The following NOS3 variants were observed in gnomAD, a reference collection of about 807,000 sequenced individuals.
The protein encoded by NOS3 is NOS type III.
A neutral mutation model predicts 144.9 loss-of-function variants in NOS3; 98 were observed. That is an observed-to-expected ratio of 0.68 (90% CI 0.57 to 0.80). The LOEUF is 0.80. Among genes scored for constraint, NOS3 ranks in the 30% least tolerant of loss-of-function variants. The probability of loss-of-function intolerance (pLI) is 0.00; values close to 1 mark genes in which losing one functional copy is unlikely to be tolerated. For synonymous variants in NOS3, 714 were observed against 702.4 expected (o/e 1.02, Z -0.26); for missense variants, 1,465 against 1,656.4 (o/e 0.88, Z 2.01).
In NOS3 at chr7:151,014,101, G is replaced by A. The variant is rs149818096; in HGVS notation, c.3544G>A (p.Glu1182Lys). The change falls in exon 27 of 27, where the codon GAG (glutamate) becomes AAG (lysine). Residue 1182 changes from glutamate (E) to lysine (K), a missense_variant. This residue lies in a region of NOS3 where 228 missense variants were observed against 227.7 expected (regional missense o/e 1.00). Transcript: ENST00000297494. The stretch of plus-strand genomic sequence containing the variant: ...ACGCACCCAGAGCTTTTCCTTGCAG[G>A]AGCGTCAGTTGCGGGGCGCAGTGCC... ...RIRTQSFSLQ[E>K]RQLRGAVPWA... is the part of the protein sequence containing the mutation. 17 of 1,613,726 alleles carry A rather than the reference G, an allele frequency of 1.1e-5. No homozygotes were observed. The African/African-American group carries it at 2.0e-4, about 19-fold the overall frequency.
rs1226013028 is a variant in NOS3 at position 151,010,800 on chromosome 7, G to A, written c.2889G>A (p.Arg963=). The A allele has an allele frequency of 1.2e-6, 2 of 1,611,256 alleles. No individual in the cohort carries two copies. The highest frequency in any genetic ancestry group is 2.2e-5 in the South Asian group (2 of 90,616). The change falls in exon 22 of 27, where the codon AGG becomes AGA. Residue 963 remains arginine (R), a synonymous_variant. Coordinates refer to ENST00000297494, the MANE Select transcript of NOS3 (RefSeq NM_000603.5). The stretch of plus-strand genomic sequence containing the variant: ...TCACTGTAGCTGTGCTGGCATACAG[G>A]ACTCAGGGTGAGGCAACAAGCAGGA... The part of the protein sequence containing the change: ...IHLTVAVLAY[R]TQDGLGPLHY...
intron 9 of NOS3, among the ~76,000 whole-genome samples, chr7:151,000,132 G>A (rs1466708061): frequency 6.7e-6 from 1 of 148,732 alleles, no homozygotes; most frequent in African/African-American, 2.5e-5. Flanking sequence ...GTGGGTGTGA[G>A]TGGGTGGGTG....
At position 150,993,815 on chromosome 7, in the gene NOS3, G is replaced by T; in HGVS notation, c.12G>T (p.Leu4Phe). The T allele has an allele frequency of 6.3e-7, 1 of 1,595,928 alleles. No homozygotes were observed. The highest frequency in any genetic ancestry group is 1.1e-5 in the South Asian group (1 of 89,028). The change falls in exon 2 of 27, where the codon TTG becomes TTT. Residue 4 changes from leucine (L) to phenylalanine (F), a missense_variant. Coordinates refer to ENST00000297494, the MANE Select transcript of NOS3 (RefSeq NM_000603.5). The surrounding 1 kb of genome is among the most constrained non-coding windows in gnomAD (Gnocchi z 4.0). Reference protein sequence around the residue: MGNLKSVAQEPGPP... With the variant: MGNFKSVAQEPGPP... ...GGACGCACAGTAACATGGGCAACTTGAAGAGCGTGGCCCAGGAGCCTGGGC... is the reference window on the plus strand; with the variant it reads ...GGACGCACAGTAACATGGGCAACTTTAAGAGCGTGGCCCAGGAGCCTGGGC...
chr7:151,005,588 C>G (rs925239597), intron 14 of NOS3, among the ~76,000 whole-genome samples: 1 of 152,188 alleles, frequency 6.6e-6, no homozygotes, highest in African/African-American at 2.4e-5. Context: ...CCTGCAGCTG[C>G]GAGGACGATC....
intron 22 of NOS3, 28 bp from the exon 23 acceptor site, chr7:151,010,871 C>A: frequency 6.2e-7 from 1 of 1,609,378 alleles, no homozygotes; most frequent in Non-Finnish European, 8.5e-7. Flanking sequence ...TCTCTGGCCC[C>A]TCACCGGCCT....
intron 1 of NOS3, among the ~76,000 whole-genome samples, chr7:150,992,726 C>T (rs900075024): frequency 2.0e-5 from 3 of 152,200 alleles, no homozygotes; most frequent in Non-Finnish European, 2.9e-5. Flanking sequence ...TAGTCTCTGC[C>T]TCTCCCAGTC....
In NOS3 at chr7:151,007,217, G is replaced by A. The variant is rs757148244; in HGVS notation, c.2053G>A (p.Gly685Ser). 6.2e-7 allele frequency: 1 copy of A among 1,610,802 alleles called. No individual in the cohort carries two copies. The highest frequency in any genetic ancestry group is 8.5e-7 in the Non-Finnish European group (1 of 1,179,756). Residue 685 changes from glycine to serine, a missense_variant, in exon 17 of 27, where the codon GGC becomes AGC. Physicochemically the swap from Gly to Ser is moderately conservative, Grantham distance 56. Coordinates refer to ENST00000297494, the MANE Select transcript of NOS3 (RefSeq NM_000603.5). ...GGERLLQLGQ[G>S]DELCGQEEAF... is the part of the protein sequence containing the mutation. The stretch of plus-strand genomic sequence containing the variant: ...GGAGCGGCTGCTGCAGCTGGGCCAG[G>A]GCGACGAGCTGTGCGGCCAGGAGGA...
chr7:151,011,043 G>A, intron 23 of NOS3, 57 bp downstream of exon 23: 6 of 1,228,658 alleles, frequency 4.9e-6, no homozygotes, highest in Non-Finnish European at 5.9e-6. Context: ...GGCAGCTTTG[G>A]TGAGGAGTGT....
At chr7:151,011,770 C>A in intron 23 of NOS3, 1 of 394,872 alleles carries the variant, frequency 2.5e-6, no homozygotes, top group South Asian at 1.8e-5. Context: ...ACGATCCTCC[C>A]ACCTCCGCCT....
rs1390347668 is a variant in NOS3, at chr7:151,010,210, A to G, written c.2608A>G (p.Ser870Gly). 1 of 1,612,478 alleles carries G rather than the reference A, an allele frequency of 6.2e-7. No individual in the cohort carries two copies. The highest frequency in any genetic ancestry group is 8.5e-7 in the Non-Finnish European group (1 of 1,179,940). ...TFFLDITSPP[S>G]PQLLRLLSTL... The stretch of plus-strand genomic sequence containing the variant: ...CTTCCTGGACATCACCTCCCCACCC[A>G]GCCCTCAGCTCTTGCGGCTGCTCAG... Residue 870 changes from serine (S) to glycine (G), a missense_variant, in exon 21 of 27, where the codon AGC becomes GGC. Transcript: ENST00000297494.
chr7:151,001,483 T>C, intron 11 of NOS3, 58 bp downstream of exon 11: 1 of 1,605,428 alleles, frequency 6.2e-7, no homozygotes, highest in African/African-American at 1.3e-5. Context: ...AAGCAGCCCC[T>C]GGGGACCTCT....
In NOS3 at chr7:150,993,162, G is replaced by A. The variant is rs968840854; in HGVS notation, c.-51-591G>A. 3.3e-5 allele frequency among the ~76,000 whole-genome samples: 5 copies of A among 152,174 alleles called. No individual in the cohort carries two copies. Among genetic ancestry groups the A allele is most frequent in the Admixed American group, 3.3e-4 (5 of 15,282 alleles). On this transcript the variant is annotated intron_variant, in intron 1 of 26. Coordinates refer to ENST00000297494, the MANE Select transcript of NOS3 (RefSeq NM_000603.5). This position sits in a 1 kb window ranked among gnomAD's most constrained non-coding sequence, Gnocchi z 4.0. ...GTTCCAGGAAATTGGGGCTGGGAGG[G>A]GAAGGGATACCCTAATGTCAGACTC...
chr7:151,000,753 C>T (rs1305925058), intron 10 of NOS3, among the ~76,000 whole-genome samples, 154 bp downstream of exon 10: 2 of 152,188 alleles, frequency 1.3e-5, no homozygotes, highest in Non-Finnish European at 2.9e-5. Flanking sequence ...GCACACTGGC[C>T]TGCGGTTCGG....
At chr7:151,006,293 T>A in intron 14 of NOS3, 134 bp from the exon 15 acceptor site, 1 of 764,142 alleles carries the variant, frequency 1.3e-6, no homozygotes, top group Non-Finnish European at 2.2e-6. Context: ...ATCAGATCGC[T>A]TTTGAAATTT....
At chr7:151,006,617 TC>T in intron 15 of NOS3, 123 bp downstream of exon 15, 1 of 840,704 alleles carries the variant, frequency 1.2e-6, no homozygotes, top group Non-Finnish European at 1.9e-6. Context: ...AAGCCAGGGC[TC>T]CAGGATGCCC....
rs758240936 is a variant in NOS3 at position 151,000,576 on chromosome 7, G to A, written c.1210G>A (p.Val404Met). The A allele has an allele frequency of 7.4e-6, 12 of 1,612,974 alleles. No homozygotes were observed. Among genetic ancestry groups the A allele is most frequent in the South Asian group, 3.3e-5 (3 of 91,080 alleles). The change falls in exon 10 of 27, where the codon GTG (valine) becomes ATG (methionine). Residue 404 changes from valine to methionine, a missense_variant. By Grantham distance (21) the Val-to-Met change is conservative. Around this residue, in one of 5 missense-constraint regions of NOS3, gnomAD observed 745 missense variants for 853.9 expected, o/e 0.87. Coordinates refer to ENST00000297494, the MANE Select transcript of NOS3 (RefSeq NM_000603.5). ...WKDKAAVEINVAVLHSYQLAK... is the reference protein window; with the variant it reads ...WKDKAAVEINMAVLHSYQLAK... ...AGACAAGGCAGCAGTGGAAATCAAC[G>A]TGGCCGTGCTGCACAGTTACCAGGT...
At chr7:151,013,180 C>G (rs1198488131) in intron 24 of NOS3, 51 bp from the exon 25 acceptor site, 2 of 1,579,768 alleles carry the variant, frequency 1.3e-6, no homozygotes, top group South Asian at 2.3e-5. Flanking sequence ...GGAGGCCCCA[C>G]TAGCACTGTG....
chr7:150,991,700 G>C (rs1225527697), intron 1 of NOS3, among the ~76,000 whole-genome samples: 1 of 152,192 alleles, frequency 6.6e-6, no homozygotes, highest in Admixed American at 6.5e-5. Context: ...CAGTGGTGCA[G>C]GCAAGAAGAC....
chr7:150,998,853 C>T lies in NOS3; in HGVS notation c.817-93C>T. ...CACGGAGACCCAGCCAATGAGGGACCCTGGAGATGAAGGCAGGAGACAGTG... is the reference window on the plus strand; with the variant it reads ...CACGGAGACCCAGCCAATGAGGGACTCTGGAGATGAAGGCAGGAGACAGTG... On this transcript the variant is annotated intron_variant, in intron 7 of 26. Coordinates refer to ENST00000297494, the MANE Select transcript of NOS3 (RefSeq NM_000603.5). The surrounding 1 kb of genome is among the most constrained non-coding windows in gnomAD (Gnocchi z 5.0). 6.6e-7 allele frequency: 1 copy of T among 1,517,404 alleles called. No individual in the cohort carries two copies. Among genetic ancestry groups the T allele is most frequent in the South Asian group, 1.3e-5 (1 of 79,992 alleles). The allele number at this position is 1,517,404 out of a possible 1,614,324, so 94.0% of individuals were successfully genotyped here. A position where few individuals can be genotyped will look rare whatever the true frequency, so the allele number is the denominator to read the frequency against.
Sources: gnomAD v4.1 joint callset for allele counts (sites outside exome capture counted in the v4.1 genomes callset) on GRCh38, gnomAD v4.1.1 for gene constraint, gnomAD v4.1.1 regional missense constraint, Gnocchi (gnomAD v3.1) non-coding constraint, MANE v1.5 for transcripts, NCBI Gene and HGNC (gene_info 2026-07-23, HGNC 2026-07-21) for gene names.